Variants in CREBL2 observed in about 807,000 individuals in gnomAD.
CREBL2 encodes cAMP responsive element binding protein like 2.
Under a neutral mutation model 19.5 loss-of-function variants are expected in CREBL2, and 4 were observed. That is an observed-to-expected ratio of 0.20 (90% CI 0.10 to 0.47). The LOEUF is 0.47. Ranked by LOEUF, CREBL2 falls within the 20% of genes least tolerant of loss-of-function variation. The pLI is 0.98. For synonymous variants in CREBL2, 42 were observed against 46.6 expected, an observed-to-expected ratio of 0.90 and a Z score of 0.40; for missense variants, 85 against 145.1, an observed-to-expected ratio of 0.59 and a Z score of 2.13.
chr12:12,630,000 C>G (rs927475382), intron 1 of CREBL2, among the ~76,000 whole-genome samples: 1 of 152,090 alleles, frequency 6.6e-6, no homozygotes, highest in African/African-American at 2.4e-5. Context: ...TTGCTAGATT[C>G]AGCCTTCTAG....
At chr12:12,618,026 C>T (rs950635941) in intron 1 of CREBL2, among the ~76,000 whole-genome samples, 6 of 150,028 alleles carry the variant, frequency 4.0e-5, no homozygotes, top group Non-Finnish European at 8.8e-5. Context: ...CAGAAGAATT[C>T]TTCTTAGTAC....
chr12:12,621,344 C>A (rs528154775), intron 1 of CREBL2, among the ~76,000 whole-genome samples: 3 of 152,152 alleles, frequency 2.0e-5, no homozygotes, highest in African/African-American at 4.8e-5. Flanking sequence ...CATAGAGAAA[C>A]CCCATCTCTA....
intron 1 of CREBL2, among the ~76,000 whole-genome samples, chr12:12,631,407 A>C (rs1457775123): frequency 1.3e-5 from 2 of 152,352 alleles, no homozygotes; most frequent in East Asian, 3.9e-4. Context: ...AAATTTTCAC[A>C]TGACTCTATG....
chr12:12,628,957 C>G (rs574888190), intron 1 of CREBL2, among the ~76,000 whole-genome samples: 1 of 152,302 alleles, frequency 6.6e-6, no homozygotes, highest in Non-Finnish European at 1.5e-5. Flanking sequence ...TCTGGATTCT[C>G]TATGCTTTTC....
rs1945496947 is a variant in CREBL2 at position 12,638,919 on chromosome 12, T to C, written c.358+1205T>C. Among the ~76,000 whole-genome samples the C allele has an allele frequency of 3.3e-5, 5 of 152,206 alleles. No individual in the cohort carries two copies. In the South Asian group the frequency reaches 1.0e-3, roughly 31 times the overall value. On this transcript the variant is annotated intron_variant, in intron 3 of 3. Transcript: ENST00000228865. Reference sequence around the variant, plus strand: ...TTATGTCTACCTAGTTATGAAACTTTTAATCACCTCAAAAGAAAATCCTGA... The same window carrying C: ...TTATGTCTACCTAGTTATGAAACTTCTAATCACCTCAAAAGAAAATCCTGA...
rs1945469905 is a variant in CREBL2, at chr12:12,635,710, G to A, written c.16-67G>A. 29 of 1,511,602 alleles carry A rather than the reference G, an allele frequency of 1.9e-5. 1 individual carries two copies. In the South Asian group the frequency reaches 3.5e-4, roughly 18 times the overall value. The allele number at this position is 1,511,602 out of a possible 1,614,324, so 93.6% of individuals were successfully genotyped here. The stretch of plus-strand genomic sequence containing the variant: ...TTATAAATGTTCTCTTTGCTAATAT[G>A]CAGCCATATTCACTTTTCTGTACAC... On this transcript the variant is annotated intron_variant, in intron 1 of 3. Transcript: ENST00000228865.
intron 1 of CREBL2, among the ~76,000 whole-genome samples, chr12:12,616,692 T>C (rs998752384): frequency 2.6e-5 from 4 of 152,218 alleles, no homozygotes; most frequent in Admixed American, 6.5e-5. Flanking sequence ...GCCCTAGTTA[T>C]AATCCCACAA....
At chr12:12,621,550 A>T (rs1387309720) in intron 1 of CREBL2, among the ~76,000 whole-genome samples, 1 of 150,360 alleles carries the variant, frequency 6.7e-6, no homozygotes, top group Non-Finnish European at 1.5e-5. Flanking sequence ...AAAAACTGGC[A>T]GCAGGCTATA....
intron 1 of CREBL2, among the ~76,000 whole-genome samples, chr12:12,634,278 C>T (rs1945459403): frequency 6.6e-6 from 1 of 152,198 alleles, no homozygotes; most frequent in South Asian, 2.1e-4. Context: ...TTACATCTTG[C>T]ATAAAAACTT....
chr12:12,628,146 C>T (rs577978507), intron 1 of CREBL2, among the ~76,000 whole-genome samples: 14 of 152,138 alleles, frequency 9.2e-5, no homozygotes, highest in Non-Finnish European at 1.6e-4. Flanking sequence ...TCCCAAAGTG[C>T]TGGGATTACA....
intron 1 of CREBL2, among the ~76,000 whole-genome samples, chr12:12,617,846 T>C (rs1945324510): frequency 6.6e-6 from 1 of 151,190 alleles, no homozygotes; most frequent in South Asian, 2.1e-4. Context: ...CCCTGGGTAC[T>C]TGAGATTAGG....
intron 1 of CREBL2, among the ~76,000 whole-genome samples, chr12:12,622,588 T>C (rs2136301386): frequency 6.6e-6 from 1 of 152,316 alleles, no homozygotes; most frequent in Admixed American, 6.5e-5. Context: ...AGGCTAGAGA[T>C]GCCTACTTGA....
intron 1 of CREBL2, among the ~76,000 whole-genome samples, chr12:12,630,486 T>C (rs1238629527): frequency 1.3e-5 from 2 of 152,150 alleles, no homozygotes; most frequent in East Asian, 3.8e-4. Context: ...GTTTTTTCTT[T>C]CTCTAATGGT....
rs572951944 is a variant in CREBL2, at chr12:12,637,807, G to A, written c.358+93G>A. 7 of 1,324,366 alleles carry A rather than the reference G, an allele frequency of 5.3e-6. No homozygotes were observed. In the Admixed American group the frequency reaches 9.3e-5, roughly 18 times the overall value. The allele number at this position is 1,324,366 out of a possible 1,614,324, so 82.0% of individuals were successfully genotyped here. ...TGTAATCCTAGCACTTTGGGAGGCC[G>A]AGGTGGGCAGATCGCTTGAGCCCAG... On this transcript the variant is annotated intron_variant, in intron 3 of 3. Transcript: ENST00000228865.
intron 1 of CREBL2, among the ~76,000 whole-genome samples, chr12:12,622,491 G>A (rs1480529985): frequency 3.9e-5 from 6 of 152,180 alleles, no homozygotes; most frequent in Non-Finnish European, 1.5e-5. Context: ...TCTAAGAGTG[G>A]AGAGACTTTT....
intron 1 of CREBL2, among the ~76,000 whole-genome samples, chr12:12,618,525 G>A (rs1277052230): frequency 6.6e-6 from 1 of 151,734 alleles, no homozygotes; most frequent in African/African-American, 2.4e-5. Context: ...CGGCCGGGAA[G>A]AGGCGCTCCT....
chr12:12,619,023 A>C (rs1204511362), intron 1 of CREBL2, among the ~76,000 whole-genome samples: 1 of 151,742 alleles, frequency 6.6e-6, no homozygotes, highest in Non-Finnish European at 1.5e-5. Context: ...TCAGAGGGAG[A>C]CCGTGGAAAG....
At chr12:12,641,244 A>ATTTTTTTTTTT (rs1566116871) in intron 3 of CREBL2, among the ~76,000 whole-genome samples, 1 of 15,582 alleles carries the variant, frequency 6.4e-5, no homozygotes, top group Non-Finnish European at 2.3e-4. Flanking sequence ...TATTATTATT[A>ATTTTTTTTTTT]TTATTATTAT....
In CREBL2 at chr12:12,629,107, C is replaced by T. The variant is rs546666563; in HGVS notation, c.16-6670C>T. 5.3e-5 allele frequency among the ~76,000 whole-genome samples: 8 copies of T among 152,212 alleles called. No homozygotes were observed. In the East Asian group the frequency reaches 7.7e-4, roughly 15 times the overall value. ...ATTGTTTTGGTTATTCTGGGTCCCT[C>T]GTATTTCCATGTGAACTTTAGGATT... On this transcript the variant is annotated intron_variant, in intron 1 of 3. Coordinates refer to ENST00000228865, the MANE Select transcript of CREBL2 (RefSeq NM_001310.4).
Sources: gnomAD v4.1 joint callset for allele counts (sites outside exome capture counted in the v4.1 genomes callset) on GRCh38, gnomAD v4.1.1 for gene constraint, MANE v1.5 for transcripts, NCBI Gene and HGNC (gene_info 2026-07-23, HGNC 2026-07-21) for gene names.